PTPRD: variants seen among roughly 807,000 people sequenced by gnomAD.
The protein encoded by PTPRD is receptor-type tyrosine-protein phosphatase delta.
A neutral mutation model predicts 214.5 loss-of-function variants in PTPRD; 34 were observed. The ratio of observed to expected loss-of-function variants is 0.16; its 90% CI spans 0.12 to 0.21. The LOEUF is 0.21. PTPRD is among the 10% of genes least tolerant of loss of function. PTPRD has a pLI of 1.00. For synonymous variants in PTPRD, 1,128 were observed against 845.7 expected, an observed-to-expected ratio of 1.33 and a Z score of -5.79; for missense variants, 2,545 against 2,398.7, an observed-to-expected ratio of 1.06 and a Z score of -1.27.
chr9:9,249,603 C>T (rs963182158), intron 9 of PTPRD, among the ~76,000 whole-genome samples: 3 of 152,158 alleles, frequency 2.0e-5, no homozygotes, highest in Non-Finnish European at 2.9e-5. Flanking sequence ...CTGTTTCTCC[C>T]TCCCTCTTCC....
chr9:8,555,267 C>T (rs1027691263), intron 14 of PTPRD, among the ~76,000 whole-genome samples: 3 of 152,062 alleles, frequency 2.0e-5, no homozygotes, highest in Non-Finnish European at 2.9e-5. Flanking sequence ...ATTAGCCAAG[C>T]ATGACAGTGT....
At chr9:8,676,420 T>C in intron 12 of PTPRD, among the ~76,000 whole-genome samples, 1 of 150,188 alleles carries the variant, frequency 6.7e-6, no homozygotes, top group East Asian at 1.9e-4. Flanking sequence ...TTTTGCTGTG[T>C]TGTCCAGGCT....
At chr9:10,289,664 A>G (rs2095473133) in intron 3 of PTPRD, among the ~76,000 whole-genome samples, 2 of 152,362 alleles carry the variant, frequency 1.3e-5, no homozygotes, top group South Asian at 4.1e-4. Context: ...TCTTTATTCA[A>G]CACAGCACTC....
chr9:9,546,492 A>G (rs1229537304), intron 8 of PTPRD, among the ~76,000 whole-genome samples: 1 of 151,726 alleles, frequency 6.6e-6, no homozygotes, highest in Non-Finnish European at 1.5e-5. Context: ...GTGATTTTGC[A>G]TAGAATCTTT....
At chr9:10,312,686 C>G (rs956966334) in intron 3 of PTPRD, among the ~76,000 whole-genome samples, 1 of 151,526 alleles carries the variant, frequency 6.6e-6, no homozygotes, top group Non-Finnish European at 1.5e-5. Flanking sequence ...AAAAGCATGA[C>G]AAACATATAA....
intron 3 of PTPRD, among the ~76,000 whole-genome samples, chr9:10,271,393 T>C (rs1374772354): frequency 2.6e-5 from 4 of 152,040 alleles, no homozygotes; most frequent in Admixed American, 6.6e-5. Flanking sequence ...TCAGAGTCTC[T>C]TTATGACTTC....
At chr9:10,420,477 G>T (rs972556594) in intron 2 of PTPRD, among the ~76,000 whole-genome samples, 1 of 151,798 alleles carries the variant, frequency 6.6e-6, no homozygotes, top group East Asian at 1.9e-4. Context: ...GTGCTTGAAG[G>T]GGGAAATAAT....
chr9:9,054,295 T>C (rs2099692247), intron 10 of PTPRD, among the ~76,000 whole-genome samples: 3 of 152,272 alleles, frequency 2.0e-5, no homozygotes, highest in Admixed American at 1.3e-4. Flanking sequence ...TTCAATATAT[T>C]GAGACACTTG....
chr9:10,128,379 TGCACACAGGGAGCACACCA>T (rs2098835199), intron 3 of PTPRD, among the ~76,000 whole-genome samples: 1 of 152,148 alleles, frequency 6.6e-6, no homozygotes, highest in African/African-American at 2.4e-5. Flanking sequence ...GACATTGGCA[TGCACACAGGGAGCACACCA>T]TTGAAGATCA....
At chr9:8,490,573 A>G (rs1035725671) in intron 27 of PTPRD, among the ~76,000 whole-genome samples, 1 of 152,214 alleles carries the variant, frequency 6.6e-6, no homozygotes, top group African/African-American at 2.4e-5. Context: ...GAAAATGTCA[A>G]ACCAATGAAT....
At chr9:10,296,904 G>C (rs597087) in intron 3 of PTPRD, among the ~76,000 whole-genome samples, 1 of 151,396 alleles carries the variant, frequency 6.6e-6, no homozygotes, top group African/African-American at 2.4e-5. Context: ...GAATTCACTA[G>C]ATTTATTGAT....
chr9:8,767,705 T>C (rs2094869397), intron 11 of PTPRD, among the ~76,000 whole-genome samples: 1 of 152,184 alleles, frequency 6.6e-6, no homozygotes, highest in African/African-American at 2.4e-5. Flanking sequence ...GTGTTTGTTT[T>C]TTTAATTCGG....
intron 10 of PTPRD, among the ~76,000 whole-genome samples, chr9:9,176,028 G>A (rs1199319813): frequency 1.3e-5 from 2 of 152,090 alleles, no homozygotes; most frequent in East Asian, 1.9e-4. Flanking sequence ...TAACAAATGT[G>A]CAGCTACCAA....
At chr9:8,822,936 C>G (rs890517886) in intron 11 of PTPRD, among the ~76,000 whole-genome samples, 1 of 152,146 alleles carries the variant, frequency 6.6e-6, no homozygotes, top group Non-Finnish European at 1.5e-5. Context: ...GTTCACACAG[C>G]CCACACTGGA....
intron 11 of PTPRD, among the ~76,000 whole-genome samples, chr9:8,776,181 T>C (rs930955882): frequency 1.3e-5 from 2 of 152,152 alleles, no homozygotes; most frequent in Non-Finnish European, 2.9e-5. Flanking sequence ...GCACCCTGAT[T>C]TTGGGACAGT....
chr9:10,603,197 C>A (rs1376406992), intron 2 of PTPRD, among the ~76,000 whole-genome samples: 1 of 151,836 alleles, frequency 6.6e-6, no homozygotes, highest in African/African-American at 2.4e-5. Context: ...AGCAGGTTCT[C>A]TTTCTGACAG....
chr9:9,717,899 T>TAAAAATA (rs2097861759), intron 7 of PTPRD, among the ~76,000 whole-genome samples: 1 of 147,414 alleles, frequency 6.8e-6, no homozygotes, highest in South Asian at 2.2e-4. Context: ...ATCAAAAAAT[T>TAAAAATA]AAAAATAAAA....
At chr9:9,903,466 C>T (rs1416692342) in intron 5 of PTPRD, among the ~76,000 whole-genome samples, 1 of 152,048 alleles carries the variant, frequency 6.6e-6, no homozygotes, top group Non-Finnish European at 1.5e-5. Context: ...ACTTAGAATT[C>T]CATTACACAC....
chr9:9,891,558 T>A (rs1398258503), intron 5 of PTPRD, among the ~76,000 whole-genome samples: 1 of 152,122 alleles, frequency 6.6e-6, no homozygotes. Context: ...TTTTTGACAG[T>A]ACTTTCAGAT....
Sources: allele counts gnomAD v4.1 joint callset (sites outside exome capture counted in the v4.1 genomes callset), GRCh38; gene constraint gnomAD v4.1.1; transcripts MANE v1.5; gene names NCBI Gene and HGNC (gene_info 2026-07-23, HGNC 2026-07-21).